CHST11: variants seen among roughly 807,000 people sequenced by gnomAD.
The protein encoded by CHST11 is C4S-1.
A neutral mutation model predicts 30.4 loss-of-function variants in CHST11; 9 were observed. That is an observed-to-expected ratio of 0.30 (90% CI 0.18 to 0.52). CHST11 has a LOEUF of 0.52. CHST11 is among the 20% of genes least tolerant of loss of function. The pLI is 0.97. For synonymous variants in CHST11, 152 were observed against 187.8 expected (o/e 0.81, Z 1.56); for missense variants, 348 against 460.6 (o/e 0.76, Z 2.24).
intron 2 of CHST11, among the ~76,000 whole-genome samples, chr12:104,648,146 A>T (rs1308054669): frequency 6.6e-6 from 1 of 152,186 alleles, no homozygotes; most frequent in African/African-American, 2.4e-5. Flanking sequence ...TCAGAGGCTG[A>T]CTACTGTGTA....
At chr12:104,513,479 T>C (rs1334796145) in intron 1 of CHST11, among the ~76,000 whole-genome samples, 3 of 152,222 alleles carry the variant, frequency 2.0e-5, no homozygotes, top group African/African-American at 7.2e-5. Context: ...GGTACTAACA[T>C]ATAACCTTTG....
chr12:104,701,905 C>T (rs1220265101), intron 2 of CHST11, among the ~76,000 whole-genome samples: 1 of 152,186 alleles, frequency 6.6e-6, no homozygotes, highest in Non-Finnish European at 1.5e-5. Context: ...CAGTATTGGG[C>T]TCCCAATATT....
intron 1 of CHST11, among the ~76,000 whole-genome samples, chr12:104,461,023 G>GGA (rs2037402987): frequency 6.6e-6 from 1 of 152,188 alleles, no homozygotes; most frequent in Non-Finnish European, 1.5e-5. Context: ...TTAAACTCCA[G>GGA]AAGTAGACCC....
chr12:104,631,558 C>G (rs966965936), intron 2 of CHST11, among the ~76,000 whole-genome samples: 1 of 152,174 alleles, frequency 6.6e-6, no homozygotes, highest in African/African-American at 2.4e-5. Context: ...GACCCTCAGC[C>G]TGGCTCCCTT....
At chr12:104,504,222 T>G (rs541046189) in intron 1 of CHST11, among the ~76,000 whole-genome samples, 289 of 152,292 alleles carry the variant, frequency 1.9e-3, no homozygotes, top group African/African-American at 6.7e-3. Context: ...CCTCCCATAG[T>G]TTTGCAGCGG....
At chr12:104,459,842 T>C (rs1032544836) in intron 1 of CHST11, among the ~76,000 whole-genome samples, 1 of 152,226 alleles carries the variant, frequency 6.6e-6, no homozygotes, top group African/African-American at 2.4e-5. Flanking sequence ...TTTTCTGATA[T>C]TTCCCTCCAG....
intron 2 of CHST11, among the ~76,000 whole-genome samples, chr12:104,637,905 C>G (rs1024020267): frequency 3.3e-5 from 5 of 152,202 alleles, no homozygotes; most frequent in Admixed American, 1.3e-4. Flanking sequence ...AAGCTCCCGG[C>G]ACTTCTCTTT....
intron 1 of CHST11, among the ~76,000 whole-genome samples, chr12:104,472,307 G>GTTGTC (rs1201509732): frequency 8.6e-5 from 13 of 151,950 alleles, no homozygotes; most frequent in African/African-American, 3.1e-4. Flanking sequence ...TCTTTCCTGG[G>GTTGTC]TTTTAGCTAT....
intron 2 of CHST11, among the ~76,000 whole-genome samples, chr12:104,643,857 C>A (rs1403476115): frequency 6.6e-6 from 1 of 152,108 alleles, no homozygotes; most frequent in Non-Finnish European, 1.5e-5. Flanking sequence ...TAAGAAGGGA[C>A]CTCTCTAGAA....
At chr12:104,712,682 A>G (rs1409572756) in intron 2 of CHST11, among the ~76,000 whole-genome samples, 1 of 152,204 alleles carries the variant, frequency 6.6e-6, no homozygotes, top group Non-Finnish European at 1.5e-5. Flanking sequence ...GGTCGGCCAG[A>G]GCCTCAGTCC....
chr12:104,625,199 CTG>C lies in CHST11; in HGVS notation c.204+23209_204+23210del, dbSNP rs1211935318. ...AATCACTGTTTCCTGAGATGCCAAA[CTG>C]GAGATGCCCCAGTGTTCTAGAAAAG... On this transcript the variant is annotated intron_variant, in intron 2 of 2. Transcript: ENST00000303694. 2.6e-5 allele frequency among the ~76,000 whole-genome samples: 4 copies of C among 152,254 alleles called. No individual in the cohort carries two copies. The South Asian group carries it at 6.2e-4, about 24-fold the overall frequency.
intron 1 of CHST11, among the ~76,000 whole-genome samples, chr12:104,555,808 AAGGGGCCTGTTCTT>A (rs1377092142): frequency 5.3e-5 from 8 of 152,252 alleles, no homozygotes; most frequent in Non-Finnish European, 1.5e-5. Flanking sequence ...TGGAGCTGGC[AAGGGGCCTGTTCTT>A]AAAAGCAACA....
intron 1 of CHST11, among the ~76,000 whole-genome samples, chr12:104,483,474 G>A (rs2037647503): frequency 6.6e-6 from 1 of 152,118 alleles, no homozygotes; most frequent in Admixed American, 6.5e-5. Flanking sequence ...TCAAAGTGCT[G>A]GGATTACAGG....
intron 1 of CHST11, among the ~76,000 whole-genome samples, chr12:104,480,985 G>T (rs1211378401): frequency 7.9e-5 from 12 of 152,232 alleles, no homozygotes; most frequent in Non-Finnish European, 1.5e-4. Flanking sequence ...ATTCTTTCCA[G>T]TTGGAGTCAG....
At chr12:104,695,832 C>T (rs984099565) in intron 2 of CHST11, among the ~76,000 whole-genome samples, 4 of 152,154 alleles carry the variant, frequency 2.6e-5, no homozygotes, top group Non-Finnish European at 4.4e-5. Flanking sequence ...TTGGACGTGA[C>T]GCTTCACCGT....
At chr12:104,662,361 T>C (rs188025002) in intron 2 of CHST11, among the ~76,000 whole-genome samples, 73 of 152,328 alleles carry the variant, frequency 4.8e-4, no homozygotes, top group African/African-American at 1.6e-3. Flanking sequence ...TTGTGAGGCT[T>C]GAATCATCAA....
At chr12:104,628,834 GCC>G (rs1021778266) in intron 2 of CHST11, among the ~76,000 whole-genome samples, 1 of 152,176 alleles carries the variant, frequency 6.6e-6, no homozygotes, top group Non-Finnish European at 1.5e-5. Flanking sequence ...CTCTTTGAGA[GCC>G]CTTTGCTTAT....
At chr12:104,735,509 G>A (rs1195177604) in intron 2 of CHST11, among the ~76,000 whole-genome samples, 1 of 152,244 alleles carries the variant, frequency 6.6e-6, no homozygotes, top group African/African-American at 2.4e-5. Context: ...AAGCCTGGTG[G>A]TGGGGCTGGG....
chr12:104,727,243 C>T (rs1372396176), intron 2 of CHST11, among the ~76,000 whole-genome samples: 1 of 152,174 alleles, frequency 6.6e-6, no homozygotes, highest in Non-Finnish European at 1.5e-5. Context: ...GTGTTGCACC[C>T]CTCAGGGGCC....
Sources: gnomAD v4.1 joint callset for allele counts (sites outside exome capture counted in the v4.1 genomes callset) on GRCh38, gnomAD v4.1.1 for gene constraint, MANE v1.5 for transcripts, NCBI Gene and HGNC (gene_info 2026-07-23, HGNC 2026-07-21) for gene names.